Variants in RNF180 observed in about 807,000 individuals in gnomAD.
RNF180 encodes the protein E3 ubiquitin-protein ligase RNF180.
Under a neutral mutation model 59.2 loss-of-function variants are expected in RNF180, and 38 were observed. The ratio of observed to expected loss-of-function variants is 0.64; its 90% CI spans 0.50 to 0.84. RNF180 has a LOEUF of 0.84. RNF180 is among the 40% of genes least tolerant of loss of function. The pLI, the probability that RNF180 is intolerant of heterozygous loss-of-function variation, is 0.00. For missense variants in RNF180, 705 were observed against 700.9 expected (o/e 1.01, Z -0.07); for synonymous variants, 262 against 240.3 (o/e 1.09, Z -0.84).
chr5:64,348,828 G>T (rs1000766109), intron 7 of RNF180, among the ~76,000 whole-genome samples: 1 of 151,968 alleles, frequency 6.6e-6, no homozygotes, highest in Non-Finnish European at 1.5e-5. Context: ...ATTACCAAAT[G>T]ATATAACTTA....
chr5:64,327,480 T>G (rs1208549127), intron 6 of RNF180, among the ~76,000 whole-genome samples: 2 of 152,208 alleles, frequency 1.3e-5, no homozygotes, highest in African/African-American at 2.4e-5. Context: ...GCGTATTATA[T>G]TTCTATTTTC....
At chr5:64,367,317 A>G (rs1159798106) in intron 7 of RNF180, among the ~76,000 whole-genome samples, 2 of 151,618 alleles carry the variant, frequency 1.3e-5, no homozygotes, top group Admixed American at 1.3e-4. Flanking sequence ...TACACAGGAT[A>G]CCACTATAGA....
At chr5:64,326,316 TG>T (rs2112525710) in intron 6 of RNF180, among the ~76,000 whole-genome samples, 1 of 152,226 alleles carries the variant, frequency 6.6e-6, no homozygotes, top group South Asian at 2.1e-4. Context: ...AGAAACTAAA[TG>T]GAATTATTAA....
At chr5:64,331,957 A>G (rs958970217) in intron 7 of RNF180, among the ~76,000 whole-genome samples, 2 of 151,726 alleles carry the variant, frequency 1.3e-5, no homozygotes, top group African/African-American at 4.8e-5. Flanking sequence ...AGTATATCTC[A>G]TCCAGCCACA....
intron 5 of RNF180, among the ~76,000 whole-genome samples, chr5:64,238,394 A>G (rs1181099551): frequency 6.6e-6 from 1 of 152,090 alleles, no homozygotes; most frequent in Non-Finnish European, 1.5e-5. Flanking sequence ...TTCTATTTTT[A>G]TTATTTAAAG....
intron 1 of RNF180, among the ~76,000 whole-genome samples, chr5:64,177,360 T>C (rs1457108076): frequency 2.6e-5 from 4 of 151,964 alleles, no homozygotes; most frequent in African/African-American, 9.7e-5. Flanking sequence ...ACTGGAAGAC[T>C]ACTCTCTTCA....
intron 1 of RNF180, among the ~76,000 whole-genome samples, chr5:64,171,842 G>GC (rs528136384): frequency 3.9e-4 from 59 of 150,944 alleles, no homozygotes; most frequent in African/African-American, 8.3e-4. Flanking sequence ...TCTCCACCCC[G>GC]CCCCCCCACC....
intron 1 of RNF180, among the ~76,000 whole-genome samples, chr5:64,177,954 C>T (rs1750348528): frequency 6.6e-6 from 1 of 151,942 alleles, no homozygotes; most frequent in Non-Finnish European, 1.5e-5. Flanking sequence ...GCCTGTAATC[C>T]CAGCACTTTG....
rs923798918 is a variant in RNF180 at position 64,325,331 on chromosome 5, G to A, written c.1373G>A (p.Arg458Gln). 3.9e-6 allele frequency: 6 copies of A among 1,551,432 alleles called. No individual in the cohort carries two copies. The highest frequency in any genetic ancestry group is 2.0e-5 in the Admixed American group (1 of 50,972). The change falls in exon 6 of 8, where the codon CGG becomes CAG. Residue 458 changes from arginine to glutamine, a missense_variant. By Grantham distance (43) the Arg-to-Gln change is conservative. Coordinates refer to ENST00000389100, the MANE Select transcript of RNF180 (RefSeq NM_001113561.2). Reference sequence around the variant, plus strand: ...CACATCTTCTGTGAGCCCTGCTTACGGACTCTGGCCAAAGACAATCCTTCA... The same window carrying A: ...CACATCTTCTGTGAGCCCTGCTTACAGACTCTGGCCAAAGACAATCCTTCA... Reference protein sequence around the residue: ...CHHIFCEPCLRTLAKDNPSST... With the variant: ...CHHIFCEPCLQTLAKDNPSST...
intron 2 of RNF180, among the ~76,000 whole-genome samples, chr5:64,211,663 G>A (rs1752319438): frequency 6.6e-6 from 1 of 152,110 alleles, no homozygotes; most frequent in African/African-American, 2.4e-5. Context: ...TCTTGATAGA[G>A]AATAGAGCAA....
At chr5:64,174,959 CTTTTTTTTTTTT>C (rs370660214) in intron 1 of RNF180, among the ~76,000 whole-genome samples, 20 of 84,744 alleles carry the variant, frequency 2.4e-4, no homozygotes, top group Admixed American at 6.3e-4. Flanking sequence ...TAATCCAGTT[CTTTTTTTTTTTT>C]TTTTTTTTTT....
chr5:64,323,020 T>C (rs1217206864), intron 5 of RNF180, among the ~76,000 whole-genome samples: 2 of 151,976 alleles, frequency 1.3e-5, no homozygotes, highest in South Asian at 2.1e-4. Flanking sequence ...ATAAGGAATA[T>C]GAAAAAGCAT....
chr5:64,289,857 T>G (rs1742483366), intron 5 of RNF180, among the ~76,000 whole-genome samples: 1 of 152,164 alleles, frequency 6.6e-6, no homozygotes, highest in African/African-American at 2.4e-5. Flanking sequence ...TTGTTTATTT[T>G]TTTTGAAAGG....
At chr5:64,189,144 A>G (rs983511077) in intron 1 of RNF180, among the ~76,000 whole-genome samples, 5 of 152,072 alleles carry the variant, frequency 3.3e-5, no homozygotes, top group South Asian at 2.1e-4. Context: ...TTCAGCCTCC[A>G]TAACTATGAG....
chr5:64,342,552 T>C (rs1745396907), intron 7 of RNF180, among the ~76,000 whole-genome samples: 1 of 152,134 alleles, frequency 6.6e-6, no homozygotes, highest in Non-Finnish European at 1.5e-5. Flanking sequence ...TCTTGTAGTC[T>C]CAGAGTTTAG....
intron 5 of RNF180, among the ~76,000 whole-genome samples, chr5:64,218,368 T>G (rs1752745421): frequency 6.6e-6 from 1 of 152,218 alleles, no homozygotes; most frequent in East Asian, 1.9e-4. Context: ...CACCAGTTGT[T>G]GAAAACAATG....
intron 5 of RNF180, among the ~76,000 whole-genome samples, chr5:64,242,506 G>A (rs1742865657): frequency 6.6e-6 from 1 of 152,138 alleles, no homozygotes; most frequent in Non-Finnish European, 1.5e-5. Context: ...GAAACTGTAA[G>A]TGACCAGGAC....
At chr5:64,190,557 G>A (rs1751093456) in intron 1 of RNF180, among the ~76,000 whole-genome samples, 1 of 152,096 alleles carries the variant, frequency 6.6e-6, no homozygotes, top group East Asian at 1.9e-4. Context: ...ATGAATTTGG[G>A]GGTCCAGAGG....
Position 64,214,315 on chromosome 5 carries a change from C to A in RNF180, c.989C>A (p.Thr330Asn). 6.2e-7 allele frequency: 1 copy of A among 1,614,082 alleles called. No individual in the cohort carries two copies. Among genetic ancestry groups the A allele is most frequent in the Non-Finnish European group, 8.5e-7 (1 of 1,180,004 alleles). ...YSDHTNTNNL[T>N]FLMDLPSAGR... ...GACCATACTAATACTAACAATCTGA[C>A]TTTCCTGATGGACCTGCCCTCAGCT... The change falls in exon 4 of 8, where the codon ACT becomes AAT. Residue 330 changes from threonine (T) to asparagine (N), a missense_variant. Coordinates refer to ENST00000389100, the MANE Select transcript of RNF180 (RefSeq NM_001113561.2).
Sources: gnomAD v4.1 joint callset for allele counts (sites outside exome capture counted in the v4.1 genomes callset) on GRCh38, gnomAD v4.1.1 for gene constraint, MANE v1.5 for transcripts, NCBI Gene and HGNC (gene_info 2026-07-23, HGNC 2026-07-21) for gene names.